Variants in NRXN1 observed in about 807,000 individuals in gnomAD.
NRXN1 encodes the protein neurexin-1.
In NRXN1, 39 loss-of-function variants were observed where a neutral mutation model predicts 150.9. The ratio of observed to expected loss-of-function variants is 0.26; its 90% CI spans 0.20 to 0.34. NRXN1 has a LOEUF of 0.34. Among genes scored for constraint, NRXN1 ranks in the 10% least tolerant of loss-of-function variants. The pLI is 1.00. For synonymous variants in NRXN1, 924 were observed against 757.0 expected (o/e 1.22, Z -3.62); for missense variants, 1,815 against 1,949.9 (o/e 0.93, Z 1.30).
chr2:50,274,021 A>G (rs1430933875), intron 17 of NRXN1, among the ~76,000 whole-genome samples: 1 of 152,158 alleles, frequency 6.6e-6, no homozygotes, highest in East Asian at 1.9e-4. Context: ...CAATCCCATT[A>G]CTGGGTATAT....
At chr2:50,229,247 G>A (rs987227922) in intron 18 of NRXN1, among the ~76,000 whole-genome samples, 5 of 151,792 alleles carry the variant, frequency 3.3e-5, no homozygotes, top group African/African-American at 1.2e-4. Flanking sequence ...TCTGGTCTTT[G>A]GCTGACATAT....
intron 17 of NRXN1, among the ~76,000 whole-genome samples, chr2:50,409,051 A>C (rs2082963128): frequency 6.6e-6 from 1 of 152,138 alleles, no homozygotes; most frequent in Non-Finnish European, 1.5e-5. Context: ...AGGGTTGTTT[A>C]CAGATGAGCC....
At chr2:50,310,701 T>C (rs1342792755) in intron 17 of NRXN1, among the ~76,000 whole-genome samples, 1 of 152,174 alleles carries the variant, frequency 6.6e-6, no homozygotes, top group Non-Finnish European at 1.5e-5. Flanking sequence ...ATTATGGATG[T>C]CATGGTCCCA....
intron 17 of NRXN1, among the ~76,000 whole-genome samples, chr2:50,383,299 C>G (rs1420998681): frequency 6.6e-6 from 1 of 152,014 alleles, no homozygotes; most frequent in African/African-American, 2.4e-5. Flanking sequence ...TATCACGCGG[C>G]CTGTTTTCCA....
At chr2:50,121,239 T>A (rs1376355443) in intron 18 of NRXN1, among the ~76,000 whole-genome samples, 2 of 152,098 alleles carry the variant, frequency 1.3e-5, no homozygotes, top group Non-Finnish European at 2.9e-5. Context: ...GCCAGGCTGG[T>A]CTCGAACTCC....
intron 8 of NRXN1, among the ~76,000 whole-genome samples, chr2:50,614,653 A>G (rs1678756895): frequency 7.0e-6 from 1 of 142,608 alleles, no homozygotes; most frequent in Non-Finnish European, 1.5e-5. Flanking sequence ...ATATATATAT[A>G]TATATAAAAT....
intron 21 of NRXN1, among the ~76,000 whole-genome samples, chr2:50,049,970 GAATTTTATA>G (rs896428104): frequency 1.4e-4 from 21 of 151,894 alleles, no homozygotes; most frequent in Admixed American, 9.2e-4. Flanking sequence ...CAAGTAAAAT[GAATTTTATA>G]AATTTTATAA....
chr2:50,052,738 T>C (rs1692921200), intron 21 of NRXN1, among the ~76,000 whole-genome samples: 1 of 152,180 alleles, frequency 6.6e-6, no homozygotes, highest in South Asian at 2.1e-4. Flanking sequence ...TAGAATGTTT[T>C]TTTATTTTTA....
chr2:50,173,759 T>C (rs964394475), intron 18 of NRXN1, among the ~76,000 whole-genome samples: 3 of 152,166 alleles, frequency 2.0e-5, no homozygotes, highest in Non-Finnish European at 2.9e-5. Context: ...TAGGCCATTT[T>C]ACGAAGGGCG....
At chr2:50,575,276 C>A (rs1671250674) in intron 8 of NRXN1, among the ~76,000 whole-genome samples, 1 of 152,152 alleles carries the variant, frequency 6.6e-6, no homozygotes, top group East Asian at 1.9e-4. Context: ...AAGTGTGACA[C>A]AAAATGAATG....
chr2:50,606,151 G>C (rs969594454), intron 8 of NRXN1, among the ~76,000 whole-genome samples: 1 of 150,540 alleles, frequency 6.6e-6, no homozygotes, highest in African/African-American at 2.4e-5. Context: ...CTGGCAGGCT[G>C]AGGCAGAAGA....
chr2:50,459,482 A>G (rs1001748786), intron 17 of NRXN1, among the ~76,000 whole-genome samples: 1 of 151,978 alleles, frequency 6.6e-6, no homozygotes, highest in Non-Finnish European at 1.5e-5. Context: ...CCTCAAGTAG[A>G]CTGTGGTGTC....
At chr2:50,563,014 G>A (rs555812533) in intron 8 of NRXN1, among the ~76,000 whole-genome samples, 14 of 151,700 alleles carry the variant, frequency 9.2e-5, no homozygotes, top group Admixed American at 4.6e-4. Flanking sequence ...ATGAAGATCC[G>A]TTAATAAATT....
intron 8 of NRXN1, among the ~76,000 whole-genome samples, chr2:50,591,140 T>A (rs1415194025): frequency 4.6e-5 from 7 of 152,080 alleles, no homozygotes. Flanking sequence ...TGAAATAGAA[T>A]AGAGCTGGTT....
rs1264724526 is a variant in NRXN1, at chr2:50,268,818, T to G, written c.3365-31848A>C. ...AGATTCTTTATCTAGGCCACATAGC[T>G]TCTAGCCAATTACTTGACAAAGCAT... is the stretch of plus-strand genomic sequence containing the variant. On this transcript the variant is annotated intron_variant, in intron 17 of 22. Transcript: ENST00000401669. Among the ~76,000 whole-genome samples the G allele has an allele frequency of 1.3e-5, 2 of 152,340 alleles. 1 individual carries two copies. The highest frequency in any genetic ancestry group is 6.8e-3 in the Middle Eastern group (2 of 294).
chr2:50,592,603 A>C (rs1351584055), intron 8 of NRXN1, among the ~76,000 whole-genome samples: 3 of 152,204 alleles, frequency 2.0e-5, no homozygotes, highest in Non-Finnish European at 4.4e-5. Context: ...AAGTGAAAAG[A>C]CTTCCAAGGA....
chr2:50,403,884 T>C (rs2082563154), intron 17 of NRXN1, among the ~76,000 whole-genome samples: 1 of 152,104 alleles, frequency 6.6e-6, no homozygotes, highest in Non-Finnish European at 1.5e-5. Flanking sequence ...CCATTAAAAA[T>C]ACCATTTACC....
At chr2:50,431,502 G>GTA (rs2084961134) in intron 17 of NRXN1, among the ~76,000 whole-genome samples, 1 of 152,110 alleles carries the variant, frequency 6.6e-6, no homozygotes, top group Admixed American at 6.5e-5. Context: ...CTGAATTTTT[G>GTA]TATGGCACAA....
At chr2:50,434,804 T>C (rs1040518853) in intron 17 of NRXN1, among the ~76,000 whole-genome samples, 35 of 132,694 alleles carry the variant, frequency 2.6e-4, no homozygotes, top group Non-Finnish European at 2.5e-4. Flanking sequence ...CATAAGACTA[T>C]TTTTTTTTTC....
Sources: gnomAD v4.1 joint callset for allele counts (sites outside exome capture counted in the v4.1 genomes callset) on GRCh38, gnomAD v4.1.1 for gene constraint, MANE v1.5 for transcripts, NCBI Gene and HGNC (gene_info 2026-07-23, HGNC 2026-07-21) for gene names.